TMTC1: variants seen among roughly 807,000 people sequenced by gnomAD.
The protein encoded by TMTC1 is transmembrane O-mannosyltransferase targeting cadherins 1, also known as protein O-mannosyl-transferase TMTC1.
In TMTC1, 73 loss-of-function variants were observed where a neutral mutation model predicts 104.8. The ratio of observed to expected loss-of-function variants is 0.70; its 90% CI spans 0.58 to 0.85. The LOEUF (loss-of-function observed/expected upper bound fraction) is 0.85, where lower values mean the gene tolerates loss of function less well. TMTC1 is among the 40% of genes least tolerant of loss of function. TMTC1 has a pLI of 0.00. For missense variants in TMTC1, 1,035 were observed against 1,096.1 expected (o/e 0.94, Z 0.79); for synonymous variants, 434 against 428.7 (o/e 1.01, Z -0.15).
chr12:29,709,369 T>C (rs1052554179), intron 5 of TMTC1, among the ~76,000 whole-genome samples: 7 of 152,158 alleles, frequency 4.6e-5, no homozygotes, highest in Non-Finnish European at 8.8e-5. Context: ...GCTGTGTGTA[T>C]ATTAAGTGAG....
chr12:29,720,683 A>T (rs1285403458), intron 5 of TMTC1, among the ~76,000 whole-genome samples: 1 of 152,194 alleles, frequency 6.6e-6, no homozygotes, highest in Middle Eastern at 3.4e-3. Flanking sequence ...GAGTAAGAAA[A>T]TTTAACATGC....
chr12:29,525,606 C>A (rs887607085), intron 11 of TMTC1, among the ~76,000 whole-genome samples: 1 of 149,760 alleles, frequency 6.7e-6, no homozygotes, highest in Admixed American at 6.7e-5. Context: ...TTAAATCTAG[C>A]GAAAGTATAC....
chr12:29,686,876 A>G (rs1033557481), intron 5 of TMTC1, among the ~76,000 whole-genome samples: 1 of 152,214 alleles, frequency 6.6e-6, no homozygotes, highest in African/African-American at 2.4e-5. Flanking sequence ...TTAGTGCTGT[A>G]TCACATGGAA....
At chr12:29,646,159 C>A (rs1260005614) in intron 5 of TMTC1, among the ~76,000 whole-genome samples, 2 of 152,156 alleles carry the variant, frequency 1.3e-5, no homozygotes, top group Non-Finnish European at 2.9e-5. Context: ...CCGCCTGAGA[C>A]CCTGACTCAC....
Position 29,627,495 on chromosome 12 carries a change from C to T in TMTC1, c.1128+5652G>A, listed in dbSNP as rs574085808. Among the ~76,000 whole-genome samples, 21 of 152,238 alleles carry T rather than the reference C, an allele frequency of 1.4e-4. No individual in the cohort carries two copies. The East Asian group carries it at 3.9e-3, about 28-fold the overall frequency. On this transcript the variant is annotated intron_variant, in intron 6 of 17. Coordinates refer to ENST00000539277, the MANE Select transcript of TMTC1 (RefSeq NM_001193451.2). Reference sequence around the variant, plus strand: ...GTTGGGATGTAGAGAAATAGGAGCTCTTGTACATTGCTGGAGGGAATGCAA... The same window carrying T: ...GTTGGGATGTAGAGAAATAGGAGCTTTTGTACATTGCTGGAGGGAATGCAA...
intron 5 of TMTC1, among the ~76,000 whole-genome samples, chr12:29,638,189 CT>C (rs1405917026): frequency 1.3e-5 from 2 of 152,128 alleles, no homozygotes; most frequent in Non-Finnish European, 1.5e-5. Context: ...TCCAAAACCC[CT>C]CTGGCCCACC....
intron 11 of TMTC1, chr12:29,532,629 A>G (rs1944536705): frequency 6.7e-6 from 1 of 149,754 alleles, no homozygotes; most frequent in African/African-American, 2.5e-5. Flanking sequence ...AAATATTAGT[A>G]TGGAACACAT....
chr12:29,545,874 T>C (rs1287322937), intron 10 of TMTC1, among the ~76,000 whole-genome samples: 1 of 152,196 alleles, frequency 6.6e-6, no homozygotes, highest in Non-Finnish European at 1.5e-5. Context: ...CATTGGGTAA[T>C]AGGGCCTATG....
chr12:29,671,298 T>TTAAA (rs66951742), intron 5 of TMTC1, among the ~76,000 whole-genome samples: 47,063 of 143,036 alleles, frequency 0.33, 8,131 homozygotes, highest in Admixed American at 0.47. Flanking sequence ...AGACTCCATC[T>TTAAA]TAAATAAATA....
At chr12:29,578,246 C>T (rs1945878044) in intron 8 of TMTC1, among the ~76,000 whole-genome samples, 1 of 151,922 alleles carries the variant, frequency 6.6e-6, no homozygotes, top group African/African-American at 2.4e-5. Flanking sequence ...ACTGCTTTTT[C>T]CCATCGTTGG....
At chr12:29,646,702 T>G (rs1939282813) in intron 5 of TMTC1, among the ~76,000 whole-genome samples, 1 of 152,154 alleles carries the variant, frequency 6.6e-6, no homozygotes, top group African/African-American at 2.4e-5. Context: ...ATAATCTCTT[T>G]CATCCCCAAA....
At chr12:29,511,984 C>G in intron 17 of TMTC1, 59 bp downstream of exon 17, 4 of 1,448,154 alleles carry the variant, frequency 2.8e-6, no homozygotes, top group South Asian at 1.1e-5. Flanking sequence ...AGAAAGAAGA[C>G]AGAGAGAGAA....
intron 6 of TMTC1, among the ~76,000 whole-genome samples, chr12:29,607,510 A>G (rs748950898): frequency 6.6e-6 from 1 of 152,196 alleles, no homozygotes; most frequent in Non-Finnish European, 1.5e-5. Context: ...GGGTGGTCAC[A>G]GCTAGGCACA....
chr12:29,712,991 G>A (rs184768928), intron 5 of TMTC1, among the ~76,000 whole-genome samples: 153 of 152,024 alleles, frequency 1.0e-3, no homozygotes, highest in African/African-American at 3.4e-3. Flanking sequence ...TTTTTAAGGC[G>A]TGACTAACAT....
intron 11 of TMTC1, among the ~76,000 whole-genome samples, chr12:29,526,031 G>C (rs1288237701): frequency 2.0e-5 from 3 of 152,132 alleles, no homozygotes; most frequent in Non-Finnish European, 1.5e-5. Context: ...AAAAATGACA[G>C]TTGAATGAAA....
chr12:29,694,668 G>C (rs1160680954), intron 5 of TMTC1, among the ~76,000 whole-genome samples: 1 of 152,072 alleles, frequency 6.6e-6, no homozygotes, highest in East Asian at 1.9e-4. Context: ...GGCTGGGTGT[G>C]GTGGCTCACG....
At chr12:29,694,957 C>CA (rs1941374672) in intron 5 of TMTC1, among the ~76,000 whole-genome samples, 1 of 146,022 alleles carries the variant, frequency 6.8e-6, no homozygotes, top group South Asian at 2.1e-4. Flanking sequence ...CAAAACAAAA[C>CA]AAAACAAAAA....
rs553769336 is a variant in TMTC1, at chr12:29,556,788, G to A, written c.1676+69C>T. The A allele has an allele frequency of 5.0e-6, 8 of 1,592,416 alleles. No individual in the cohort carries two copies. The Admixed American group carries it at 1.2e-4, about 24-fold the overall frequency. ...AGAGGCAAGTGCAGCACAATCAAAT[G>A]AGTGTTGAGAAGGAAAGAGTTTCTT... On this transcript the variant is annotated intron_variant, in intron 10 of 17. Transcript: ENST00000539277.
At chr12:29,570,800 T>A (rs1945645791) in intron 9 of TMTC1, among the ~76,000 whole-genome samples, 1 of 150,796 alleles carries the variant, frequency 6.6e-6, no homozygotes. Context: ...ACCAAGATCG[T>A]GCCACTGCAC....
Sources: gnomAD v4.1 joint callset for allele counts (sites outside exome capture counted in the v4.1 genomes callset) on GRCh38, gnomAD v4.1.1 for gene constraint, MANE v1.5 for transcripts, NCBI Gene and HGNC (gene_info 2026-07-23, HGNC 2026-07-21) for gene names.